Variants in ARMC3 observed in about 807,000 individuals in gnomAD.
The protein encoded by ARMC3 is armadillo repeat containing 3.
Under a neutral mutation model 90.3 loss-of-function variants are expected in ARMC3, and 74 were observed. The ratio of observed to expected loss-of-function variants is 0.82; its 90% confidence interval spans 0.68 to 0.99. The LOEUF (loss-of-function observed/expected upper bound fraction) is 0.99. Among genes scored for constraint, ARMC3 ranks in the 50% least tolerant of loss-of-function variants. The probability of loss-of-function intolerance (pLI) is 0.00; values close to 1 mark genes in which losing one functional copy is unlikely to be tolerated. For synonymous variants in ARMC3, 334 were observed against 361.8 expected, an observed-to-expected ratio of 0.92 and a Z score of 0.87; for missense variants, 958 against 1,042.8, an observed-to-expected ratio of 0.92 and a Z score of 1.12.
At chr10:22,998,092 A>G in intron 10 of ARMC3, 56 bp from the exon 11 acceptor site, 1 of 1,582,928 alleles carries the variant, frequency 6.3e-7, no homozygotes, top group Non-Finnish European at 8.6e-7. Flanking sequence ...TGCATGCTCC[A>G]AAGATAATTT....
chr10:23,005,920 G>A (rs970932298), intron 13 of ARMC3, among the ~76,000 whole-genome samples: 1 of 152,102 alleles, frequency 6.6e-6, no homozygotes, highest in Non-Finnish European at 1.5e-5. Flanking sequence ...AAGAGAGCTG[G>A]GCAGAGGGAG....
intron 16 of ARMC3, among the ~76,000 whole-genome samples, chr10:23,014,901 A>C (rs1476488811): frequency 2.6e-5 from 4 of 151,550 alleles, no homozygotes; most frequent in South Asian, 4.2e-4. Context: ...AAAAAAAAAA[A>C]AAAAAAAACC....
intron 2 of ARMC3, among the ~76,000 whole-genome samples, chr10:22,940,129 T>G (rs1002642953): frequency 1.3e-5 from 2 of 152,216 alleles, no homozygotes; most frequent in African/African-American, 4.8e-5. Flanking sequence ...GCAGCACCTA[T>G]GTTAATACCA....
intron 10 of ARMC3, among the ~76,000 whole-genome samples, chr10:22,990,356 G>T (rs1480338179): frequency 6.6e-6 from 1 of 152,210 alleles, no homozygotes; most frequent in East Asian, 1.9e-4. Context: ...CTCTAGCTCT[G>T]CAGGTGTAGG....
chr10:23,037,254 T>G lies in ARMC3; in HGVS notation c.2410-16T>G. Reference sequence around the variant, plus strand: ...TCCCGCACCACCCTTGGTTGATCTCTTGTTTTCTCCTGCAGGCTCTGGCTG... The same window carrying G: ...TCCCGCACCACCCTTGGTTGATCTCGTGTTTTCTCCTGCAGGCTCTGGCTG... On this transcript the variant is annotated splice_polypyrimidine_tract_variant and intron_variant, in intron 18 of 18. Transcript: ENST00000298032. 1.9e-6 allele frequency: 3 copies of G among 1,566,446 alleles called. No individual in the cohort carries two copies. The highest frequency in any genetic ancestry group is 2.6e-6 in the Non-Finnish European group (3 of 1,151,072).
chr10:22,939,230 CTGCAGTT>C (rs1272476020), intron 2 of ARMC3, among the ~76,000 whole-genome samples: 2 of 152,156 alleles, frequency 1.3e-5, no homozygotes, highest in Non-Finnish European at 2.9e-5. Context: ...GATTAGGTGG[CTGCAGTT>C]TGCAGGGTAG....
At chr10:23,002,186 C>T (rs1837329510) in intron 12 of ARMC3, 131 bp downstream of exon 12, 4 of 1,325,060 alleles carry the variant, frequency 3.0e-6, no homozygotes, top group Non-Finnish European at 4.0e-6. Flanking sequence ...CTGCATGTCC[C>T]CAGGGCGGGC....
In ARMC3 at chr10:22,986,110, G is replaced by GCCCCC. The variant is rs147031860; in HGVS notation, c.1175+4416_1175+4420dup. The stretch of plus-strand genomic sequence containing the variant: ...GCACCCCCACACCCCTGCACTGCAC[G>GCCCCC]CCCCCCCCCCGCGCCACACACCAAC... On this transcript the variant is annotated intron_variant, in intron 10 of 18. Transcript: ENST00000298032. 6.1e-4 allele frequency among the ~76,000 whole-genome samples: 62 copies of GCCCCC among 101,546 alleles called. 1 individual carries two copies. The East Asian group carries it at 0.011, about 18-fold the overall frequency. The allele number at this position is 101,546 out of a possible 152,430, so 66.6% of individuals were successfully genotyped here.
intron 18 of ARMC3, among the ~76,000 whole-genome samples, chr10:23,034,818 G>A (rs1259194812): frequency 2.0e-5 from 3 of 152,122 alleles, no homozygotes; most frequent in African/African-American, 4.8e-5. Flanking sequence ...CTCCCTTTAT[G>A]TACTTTGCAG....
intron 16 of ARMC3, among the ~76,000 whole-genome samples, chr10:23,016,442 C>T (rs1324765482): frequency 6.6e-6 from 1 of 152,136 alleles, no homozygotes; most frequent in African/African-American, 2.4e-5. Flanking sequence ...AGAAAAATAA[C>T]CTTAGAGCTT....
chr10:23,037,241 C>T, intron 18 of ARMC3, 29 bp from the exon 19 acceptor site: 1 of 1,551,154 alleles, frequency 6.4e-7, no homozygotes, highest in East Asian at 2.3e-5. Flanking sequence ...CCGCACCACC[C>T]TTGGTTGATC....
chr10:22,928,965 G>A lies in ARMC3; in HGVS notation c.-2+859G>A, dbSNP rs563526415. ...CACAAAGCCAGGTACGGTGGCTCAC[G>A]CCTACAACCCCAGCACTTTGGGAGG... is the stretch of plus-strand genomic sequence containing the variant. On this transcript the variant is annotated intron_variant, in intron 1 of 18. Coordinates refer to ENST00000298032, the MANE Select transcript of ARMC3 (RefSeq NM_173081.5). Among the ~76,000 whole-genome samples the A allele has an allele frequency of 8.5e-5, 13 of 152,302 alleles. No individual in the cohort carries two copies. The East Asian group carries it at 2.3e-3, about 27-fold the overall frequency.
intron 16 of ARMC3, among the ~76,000 whole-genome samples, chr10:23,018,324 C>G (rs1838365691): frequency 6.6e-6 from 1 of 152,134 alleles, no homozygotes; most frequent in Admixed American, 6.5e-5. Flanking sequence ...AGTAACCAAA[C>G]TGTCTGGAGT....
At chr10:23,024,073 G>A (rs533533744) in intron 16 of ARMC3, among the ~76,000 whole-genome samples, 33 of 152,152 alleles carry the variant, frequency 2.2e-4, no homozygotes, top group African/African-American at 7.7e-4. Context: ...TTCTGAAATC[G>A]AGCAGCCAAA....
chr10:23,036,693 G>A (rs1839137351), intron 18 of ARMC3, among the ~76,000 whole-genome samples: 1 of 152,184 alleles, frequency 6.6e-6, no homozygotes, highest in Non-Finnish European at 1.5e-5. Context: ...CTCCAGATTA[G>A]AGATACTTTG....
intron 16 of ARMC3, chr10:23,014,411 A>C (rs1271380099): frequency 8.6e-7 from 1 of 1,168,014 alleles, no homozygotes; most frequent in Non-Finnish European, 1.1e-6. Flanking sequence ...CTTTTGGTCA[A>C]CCCTTCTTGT....
chr10:23,003,101 T>G, intron 12 of ARMC3, 145 bp from the exon 13 acceptor site: 1 of 541,026 alleles, frequency 1.8e-6, no homozygotes, highest in Non-Finnish European at 3.0e-6. Flanking sequence ...CATAATTCTA[T>G]CAGTATTACT....
chr10:23,037,435 ATGAAGT>A lies in ARMC3; in HGVS notation c.2579_2584del (p.Lys860_Leu861del), dbSNP rs778666907. ...CCTCATGTTCCATCCAGGTGGACTG[ATGAAGT>A]TGAGAAGTCGAGAGGCTGATCTTTA... On this transcript the variant is annotated inframe_deletion, in exon 19 of 19. Coordinates refer to ENST00000298032, the MANE Select transcript of ARMC3 (RefSeq NM_173081.5). 86 of 1,614,090 alleles carry A rather than the reference ATGAAGT, an allele frequency of 5.3e-5. No individual in the cohort carries two copies. In the African/African-American group the frequency reaches 1.1e-3, roughly 20 times the overall value.
At chr10:23,001,817 A>G (rs1467082239) in intron 11 of ARMC3, 102 bp from the exon 12 acceptor site, 4 of 1,314,628 alleles carry the variant, frequency 3.0e-6, no homozygotes, top group Admixed American at 2.7e-5. Context: ...GCATTTTTAC[A>G]TAGTTAAAAC....
Sources: gnomAD v4.1 joint callset for allele counts (sites outside exome capture counted in the v4.1 genomes callset) on GRCh38, gnomAD v4.1.1 for gene constraint, MANE v1.5 for transcripts, NCBI Gene and HGNC (gene_info 2026-07-23, HGNC 2026-07-21) for gene names.